REXO4: variants seen among roughly 807,000 people sequenced by gnomAD.
REXO4 encodes the protein REX4 homolog, 3'-5' exonuclease.
A neutral mutation model predicts 39.9 loss-of-function variants in REXO4; 29 were observed. The ratio of observed to expected loss-of-function variants is 0.73; its 90% CI spans 0.54 to 0.99. The LOEUF is 0.99. Ranked by LOEUF, REXO4 falls within the 50% of genes least tolerant of loss-of-function variation. The probability of loss-of-function intolerance (pLI) is 0.00; values close to 1 mark genes in which losing one functional copy is unlikely to be tolerated. For missense variants in REXO4, 524 were observed against 546.5 expected (o/e 0.96, Z 0.41); for synonymous variants, 184 against 206.2 (o/e 0.89, Z 0.92).
chr9:133,417,680 A>G lies in REXO4; in HGVS notation c.165T>C (p.Ala55=), dbSNP rs782339148. The G allele has an allele frequency of 1.2e-6, 2 of 1,614,132 alleles. No individual in the cohort carries two copies. The highest frequency in any genetic ancestry group is 1.1e-5 in the South Asian group (1 of 91,088). The change falls in exon 1 of 8, where the codon GCT becomes GCC. Residue 55 remains alanine (A), a synonymous_variant. Coordinates refer to ENST00000371942, the MANE Select transcript of REXO4 (RefSeq NM_020385.4). ...VSKKPASGPG[A]VVRPPKAPED... is the part of the protein sequence containing the mutation. ...CTGGTGCCTTTGGAGGTCGCACCACAGCACCGGGGCCGCTTGCTGGCTTCT... is the reference window on the plus strand; with the variant it reads ...CTGGTGCCTTTGGAGGTCGCACCACGGCACCGGGGCCGCTTGCTGGCTTCT...
rs587685055 is a variant in REXO4 at position 133,410,814 on chromosome 9, G to T, written c.999+171C>A. ...GCTCTCAAAACAAGAGCCTGGCATG[G>T]CTCCTAAAACACAGTAAGAACTCAG... On this transcript the variant is annotated intron_variant, in intron 5 of 7. Transcript: ENST00000371942. Among the ~76,000 whole-genome samples the T allele has an allele frequency of 1.2e-4, 19 of 152,314 alleles. No homozygotes were observed. In the South Asian group the frequency reaches 3.3e-3, roughly 27 times the overall value.
chr9:133,412,706 T>A, intron 3 of REXO4, 72 bp downstream of exon 3: 2 of 1,580,104 alleles, frequency 1.3e-6, no homozygotes, highest in Non-Finnish European at 1.7e-6. Flanking sequence ...GAAAGCATCC[T>A]CTTCCTTGAA....
Position 133,406,838 on chromosome 9 carries a change from G to T in REXO4, c.*115C>A. ...CAGTAGCACCACGCCACGCCCCTCT[G>T]CCATGATTCTGAAAAGGTTTCACCA... On this transcript the variant is annotated 3_prime_UTR_variant, in exon 8 of 8. Coordinates refer to ENST00000371942, the MANE Select transcript of REXO4 (RefSeq NM_020385.4). 2.7e-6 allele frequency: 4 copies of T among 1,495,324 alleles called. No homozygotes were observed. Among genetic ancestry groups the T allele is most frequent in the African/African-American group, 1.4e-5 (1 of 72,976 alleles). 92.6% of individuals were successfully genotyped at this position (1,495,324 alleles called of 1,614,324 possible). A position where few individuals can be genotyped will look rare whatever the true frequency, so the allele number is the denominator to read the frequency against.
rs781936181 is a variant in REXO4 at position 133,407,006 on chromosome 9, G to A, written c.1216C>T (p.Arg406Ter). The change falls in exon 8 of 8, where the codon CGA becomes TGA. Residue 406 changes from arginine to a stop codon, truncating the protein, a stop_gained. Coordinates refer to ENST00000371942, the MANE Select transcript of REXO4 (RefSeq NM_020385.4). LOFTEE classifies it low-confidence loss of function (END_TRUNC). ...MVKKEWESMARDRRPLLTAPD... is the reference protein window; with the variant it reads ...MVKKEWESMA ...GCAGTCAGCAGGGGGCGCCTGTCTC[G>A]GGCCATGCTCTCCCACTCCTTCTTC... The A allele has an allele frequency of 1.1e-5, 17 of 1,612,960 alleles. No individual in the cohort carries two copies. The highest frequency in any genetic ancestry group is 8.3e-5 in the Admixed American group (5 of 60,000).
Position 133,410,989 on chromosome 9 carries a change from A to G in REXO4, c.995T>C (p.Leu332Pro). The change falls in exon 5 of 8, where the codon CTA becomes CCA. Residue 332 changes from leucine (L) to proline (P), a missense_variant. Coordinates refer to ENST00000371942, the MANE Select transcript of REXO4 (RefSeq NM_020385.4). ...ILVGHALHND[L>P]KVLFLDHPKK... is the part of the protein sequence containing the mutation. ...CCCCAGGAGAGAGCCCAGTACCTTT[A>G]GGTCATTATGCAGAGCGTGCCCCAC... is the stretch of plus-strand genomic sequence containing the variant. 1 of 1,613,552 alleles carries G rather than the reference A, an allele frequency of 6.2e-7. No homozygotes were observed. The highest frequency in any genetic ancestry group is 1.1e-5 in the South Asian group (1 of 91,060).
chr9:133,412,732 A>C, intron 3 of REXO4, 46 bp downstream of exon 3: 1 of 1,599,098 alleles, frequency 6.3e-7, no homozygotes, highest in South Asian at 1.1e-5. Flanking sequence ...CCCGCCCTCC[A>C]CGGCTAAGCA....
chr9:133,407,930 A>C (rs370318378), intron 6 of REXO4, 49 bp from the exon 7 acceptor site: 7 of 1,469,924 alleles, frequency 4.8e-6, no homozygotes, highest in Middle Eastern at 1.7e-4. Context: ...CTCGGCCCAA[A>C]GAGGGTCACC....
Position 133,412,438 on chromosome 9 carries a change from C to A in REXO4, c.771G>T (p.Gly257=). 6.2e-7 allele frequency: 1 copy of A among 1,614,140 alleles called. No homozygotes were observed. The highest frequency in any genetic ancestry group is 8.5e-7 in the Non-Finnish European group (1 of 1,180,036). ...DCEMVGVGPK[G]EESMAARVSI... The stretch of plus-strand genomic sequence containing the variant: ...ACACACGGGCGGCCATGCTCTCCTC[C>A]CCCTTAGGGCCCACGCCCACCATCT... Residue 257 remains glycine (G), a synonymous_variant, in exon 4 of 8, where the codon GGG becomes GGT. Coordinates refer to ENST00000371942, the MANE Select transcript of REXO4 (RefSeq NM_020385.4).
At chr9:133,418,028 C>A, upstream of REXO4, 1 of 604,662 alleles carries the variant, frequency 1.7e-6, no homozygotes, top group East Asian at 2.8e-5. Flanking sequence ...CACGCACGCT[C>A]CAGTCCCCGG....
intron 5 of REXO4, among the ~76,000 whole-genome samples, chr9:133,409,641 A>C (rs1839107176): frequency 6.6e-6 from 1 of 152,146 alleles, no homozygotes; most frequent in Middle Eastern, 3.2e-3. Flanking sequence ...GGCTCACTGC[A>C]GCCTTAACCT....
intron 1 of REXO4, 100 bp from the exon 2 acceptor site, chr9:133,415,111 C>A: frequency 1.1e-6 from 1 of 889,058 alleles, no homozygotes; most frequent in Non-Finnish European, 1.7e-6. Context: ...ACATATACAC[C>A]AAACACATCT....
rs781830529 is a variant in REXO4, at chr9:133,406,948, G to C, written c.*5C>G. The C allele has an allele frequency of 6.2e-7, 1 of 1,610,200 alleles. No individual in the cohort carries two copies. Among genetic ancestry groups the C allele is most frequent in the South Asian group, 1.1e-5 (1 of 91,072 alleles). On this transcript the variant is annotated 3_prime_UTR_variant, in exon 8 of 8. Transcript: ENST00000371942. ...CGGGGCGGCAGCAGCAGCAGGGCAG[G>C]ACTGCTAGGCGTCGTCACTGCAGTG...
intron 5 of REXO4, 58 bp downstream of exon 5, chr9:133,410,927 G>A (rs954367550): frequency 1.2e-5 from 15 of 1,276,722 alleles, no homozygotes; most frequent in South Asian, 2.4e-5. Context: ...CAGCAAGGGC[G>A]TGAGTGTAAC....
intron 1 of REXO4, among the ~76,000 whole-genome samples, chr9:133,417,076 T>C (rs1489587277): frequency 6.6e-6 from 1 of 152,244 alleles, no homozygotes; most frequent in African/African-American, 2.4e-5. Flanking sequence ...AGTGGCGCGA[T>C]TTCGGCTTAC....
intron 6 of REXO4, among the ~76,000 whole-genome samples, chr9:133,408,375 C>G (rs1554779402): frequency 6.6e-6 from 1 of 152,064 alleles, no homozygotes; most frequent in Non-Finnish European, 1.5e-5. Context: ...GGAAGGATTG[C>G]CTGAGCCTGG....
rs1554781088 is a variant in REXO4 at position 133,414,649 on chromosome 9, G to A, written c.572+16C>T. On this transcript the variant is annotated intron_variant, in intron 2 of 7. Transcript: ENST00000371942. Reference sequence around the variant, plus strand: ...GCTGTGCCTCGGTTCTCAGTGGTGAGGTGGCCCATACTTACTCGGTGGGTG... The same window carrying A: ...GCTGTGCCTCGGTTCTCAGTGGTGAAGTGGCCCATACTTACTCGGTGGGTG... The A allele has an allele frequency of 3.1e-6, 5 of 1,611,580 alleles. No homozygotes were observed. The highest frequency in any genetic ancestry group is 3.3e-5 in the Admixed American group (2 of 60,028).
chr9:133,417,496 G>A, intron 1 of REXO4, 124 bp downstream of exon 1: 2 of 1,006,352 alleles, frequency 2.0e-6, no homozygotes, highest in Non-Finnish European at 3.0e-6. Context: ...GTGAAAAGCT[G>A]TTTACAAGAT....
rs1306598522 is a variant in REXO4, at chr9:133,406,741, T to G, written c.*212A>C. ...CCGTCCCTGCTCCCCACCCTGACCA[T>G]CCGGGCCCAAACACACATGGACAGT... On this transcript the variant is annotated 3_prime_UTR_variant, in exon 8 of 8. Transcript: ENST00000371942. The G allele has an allele frequency of 1.4e-6, 1 of 690,894 alleles. No individual in the cohort carries two copies. Among genetic ancestry groups the G allele is most frequent in the Non-Finnish European group, 2.3e-6 (1 of 425,774 alleles). The allele number at this position is 690,894 out of a possible 1,614,324, so 42.8% of individuals were successfully genotyped here.
Position 133,414,910 on chromosome 9 carries a change from CTCT to C in REXO4, c.324_326del (p.Glu109del). 1.9e-6 allele frequency: 3 copies of C among 1,614,054 alleles called. No homozygotes were observed. The highest frequency in any genetic ancestry group is 2.5e-6 in the Non-Finnish European group (3 of 1,179,998). On this transcript the variant is annotated inframe_deletion, in exon 2 of 8. Coordinates refer to ENST00000371942, the MANE Select transcript of REXO4 (RefSeq NM_020385.4). ...CCTCTCCCTTCACTTGAGGCGAGGTCTCTTTTTTGTTTTGCTGGATAATTTTGG... is the reference window on the plus strand; with the variant it reads ...CCTCTCCCTTCACTTGAGGCGAGGTCTTTTTGTTTTGCTGGATAATTTTGG...
Sources: gnomAD v4.1 joint callset for allele counts (sites outside exome capture counted in the v4.1 genomes callset) on GRCh38, gnomAD v4.1.1 for gene constraint, MANE v1.5 for transcripts, NCBI Gene and HGNC (gene_info 2026-07-23, HGNC 2026-07-21) for gene names.